The following CFAP44 variants were observed in gnomAD, a reference collection of about 807,000 sequenced individuals.
CFAP44 encodes cilia and flagella associated protein 44.
A neutral mutation model predicts 216.2 loss-of-function variants in CFAP44; 134 were observed. That is an observed-to-expected ratio of 0.62 (90% confidence interval 0.54 to 0.72). The LOEUF (loss-of-function observed/expected upper bound fraction) is 0.72, where lower values mean the gene tolerates loss of function less well. Among genes scored for constraint, CFAP44 ranks in the 30% least tolerant of loss-of-function variants. CFAP44 has a pLI of 0.00. For missense variants in CFAP44, 2,035 were observed against 2,182.1 expected, an observed-to-expected ratio of 0.93 and a Z score of 1.34; for synonymous variants, 700 against 727.6, an observed-to-expected ratio of 0.96 and a Z score of 0.61.
In CFAP44 at chr3:113,308,179, C is replaced by T. The variant is rs1310446786; in HGVS notation, c.4606G>A (p.Asp1536Asn). Reference protein sequence around the residue: ...DESESEDEVFDDSICPTNCDV... With the variant: ...DESESEDEVFNDSICPTNCDV... Reference sequence around the variant, plus strand: ...TTACTTGTTGGGCAAATAGAATCATCAAAAACCTCATCTTCTGATTCAGAC... The same window carrying T: ...TTACTTGTTGGGCAAATAGAATCATTAAAAACCTCATCTTCTGATTCAGAC... The change falls in exon 29 of 35, where the codon GAT becomes AAT. Residue 1536 changes from aspartate (D) to asparagine (N), a missense_variant. Asp to Asn is a conservative substitution (Grantham distance 23). Coordinates refer to ENST00000393845, the MANE Select transcript of CFAP44 (RefSeq NM_001164496.2). The T allele has an allele frequency of 3.9e-6, 6 of 1,533,976 alleles. No individual in the cohort carries two copies. The highest frequency in any genetic ancestry group is 2.0e-5 in the Admixed American group (1 of 50,098).
At chr3:113,327,515 A>C in intron 27 of CFAP44, 101 bp downstream of exon 27, 1 of 1,037,896 alleles carries the variant, frequency 9.6e-7, no homozygotes, top group Non-Finnish European at 1.4e-6. Context: ...GAAAGAGATA[A>C]GGGCTAGAAC....
rs572490981 is a variant in CFAP44 at position 113,387,662 on chromosome 3, C to T, written c.1891-6602G>A. Reference sequence around the variant, plus strand: ...AAGGACTCCTTCTGCTTGAGAAGTACGGAGAGGGAAGAGTCAAGGGTATTT... The same window carrying T: ...AAGGACTCCTTCTGCTTGAGAAGTATGGAGAGGGAAGAGTCAAGGGTATTT... On this transcript the variant is annotated intron_variant, in intron 15 of 34. Transcript: ENST00000393845. Among the ~76,000 whole-genome samples the T allele has an allele frequency of 8.6e-5, 13 of 151,970 alleles. No individual in the cohort carries two copies. In the South Asian group the frequency reaches 1.0e-3, roughly 12 times the overall value.
In CFAP44 at chr3:113,379,474, T is replaced by C; in HGVS notation, c.2130A>G (p.Leu710=). The C allele has an allele frequency of 6.2e-7, 1 of 1,610,468 alleles. No homozygotes were observed. Among genetic ancestry groups the C allele is most frequent in the South Asian group, 1.1e-5 (1 of 90,952 alleles). Residue 710 remains leucine (L), a synonymous_variant, in exon 17 of 35, where the codon CTA becomes CTG. Coordinates refer to ENST00000393845, the MANE Select transcript of CFAP44 (RefSeq NM_001164496.2). ...CTCCATCTTCTCCCATCTCTGCTGC[T>C]AGCTTGTTCCTCCTTTCTTCCCTTA... ...EKIREERRNK[L]AAEMGEDGEK... is the part of the protein sequence containing the mutation.
intron 28 of CFAP44, among the ~76,000 whole-genome samples, chr3:113,324,233 GGA>G (rs755298837): frequency 9.2e-5 from 14 of 151,722 alleles, no homozygotes; most frequent in Non-Finnish European, 1.9e-4. Context: ...AAAATCAAAT[GGA>G]AAAGAAAATT....
chr3:113,372,583 G>T (rs566979005), intron 18 of CFAP44, among the ~76,000 whole-genome samples: 1 of 152,310 alleles, frequency 6.6e-6, no homozygotes, highest in South Asian at 2.1e-4. Flanking sequence ...CTGTTGGGGA[G>T]TGGGGGGCAG....
chr3:113,296,471 A>G (rs560700153), intron 33 of CFAP44, among the ~76,000 whole-genome samples: 1 of 152,246 alleles, frequency 6.6e-6, no homozygotes, highest in East Asian at 1.9e-4. Flanking sequence ...TCTTTCATCC[A>G]TTTTACATAA....
intron 6 of CFAP44, 118 bp from the exon 7 acceptor site, chr3:113,409,440 C>T (rs1934392192): frequency 2.4e-6 from 2 of 843,194 alleles, no homozygotes; most frequent in South Asian, 3.6e-5. Context: ...CAAGAATACC[C>T]TAAAGGAACA....
intron 28 of CFAP44, among the ~76,000 whole-genome samples, chr3:113,316,604 C>T (rs970763456): frequency 9.9e-5 from 15 of 152,214 alleles, no homozygotes; most frequent in Admixed American, 6.5e-5. Flanking sequence ...TGTAGTGGCT[C>T]ACGCCTGTAA....
rs143153988 is a variant in CFAP44, at chr3:113,399,827, A to C, written c.1569+79T>G. 413 of 955,442 alleles carry C rather than the reference A, an allele frequency of 4.3e-4. 2 individuals carry two copies. In the African/African-American group the frequency reaches 5.5e-3, roughly 13 times the overall value. The allele number at this position is 955,442 out of a possible 1,614,324, so 59.2% of individuals were successfully genotyped here. A position where few individuals can be genotyped will look rare whatever the true frequency, so the allele number is the denominator to read the frequency against. On this transcript the variant is annotated intron_variant, in intron 13 of 34. Coordinates refer to ENST00000393845, the MANE Select transcript of CFAP44 (RefSeq NM_001164496.2). Reference sequence around the variant, plus strand: ...TCCTTAAAATTTTGAGTCAGCAAATATCTATATTTCCAGAAAATAGCATTG... The same window carrying C: ...TCCTTAAAATTTTGAGTCAGCAAATCTCTATATTTCCAGAAAATAGCATTG...
At chr3:113,324,042 C>CAAAA (rs200919084) in intron 28 of CFAP44, among the ~76,000 whole-genome samples, 1 of 71,868 alleles carries the variant, frequency 1.4e-5, no homozygotes, top group African/African-American at 4.7e-5. Flanking sequence ...GACTCCGTCT[C>CAAAA]AAAAAAAAAA....
intron 1 of CFAP44, among the ~76,000 whole-genome samples, chr3:113,437,081 G>A (rs1470334267): frequency 6.6e-6 from 1 of 152,178 alleles, no homozygotes; most frequent in African/African-American, 2.4e-5. Flanking sequence ...CTATGGAACA[G>A]TGGTCCCTGC....
At chr3:113,414,943 C>A (rs984335610) in intron 6 of CFAP44, among the ~76,000 whole-genome samples, 1 of 152,074 alleles carries the variant, frequency 6.6e-6, no homozygotes, top group Admixed American at 6.6e-5. Flanking sequence ...ATGGTACCAG[C>A]TCCTCTTTGT....
rs761029484 is a variant in CFAP44 at position 113,358,879 on chromosome 3, C to A, written c.2935-4G>T. On this transcript the variant is annotated splice_region_variant and splice_polypyrimidine_tract_variant and intron_variant, in intron 21 of 34. Transcript: ENST00000393845. ...TTTGGGAATCTACATCAAAATCCTG[C>A]AGATAAGAAGATCTGTTCATCAAAA... The A allele has an allele frequency of 6.5e-7, 1 of 1,535,480 alleles. No homozygotes were observed. Among genetic ancestry groups the A allele is most frequent in the South Asian group, 1.2e-5 (1 of 83,752 alleles).
intron 24 of CFAP44, among the ~76,000 whole-genome samples, chr3:113,340,783 G>T (rs1421990885): frequency 6.6e-6 from 1 of 152,226 alleles, no homozygotes. Context: ...CTTATCACAA[G>T]GACAGAGGGA....
intron 24 of CFAP44, among the ~76,000 whole-genome samples, chr3:113,333,890 T>C (rs1950260522): frequency 6.6e-6 from 1 of 152,218 alleles, no homozygotes; most frequent in African/African-American, 2.4e-5. Flanking sequence ...TGTTATTTAT[T>C]CTCTTGATAT....
intron 28 of CFAP44, among the ~76,000 whole-genome samples, chr3:113,314,825 G>C (rs1950071984): frequency 6.6e-6 from 1 of 152,058 alleles, no homozygotes; most frequent in Non-Finnish European, 1.5e-5. Context: ...TAAAATGATG[G>C]CAAAATGATG....
At chr3:113,395,636 C>A in intron 15 of CFAP44, 114 bp downstream of exon 15, 1 of 837,998 alleles carries the variant, frequency 1.2e-6, no homozygotes, top group South Asian at 1.9e-5. Flanking sequence ...CCCTGACCCT[C>A]ACTGCAGGAA....
chr3:113,432,231 A>G (rs1227809826), intron 2 of CFAP44: 1 of 152,218 alleles, frequency 6.6e-6, no homozygotes, highest in Non-Finnish European at 1.5e-5. Flanking sequence ...AGGAGCTGTG[A>G]TAAATAAGTA....
chr3:113,360,295 C>T (rs1332520473), intron 21 of CFAP44: 3 of 204,038 alleles, frequency 1.5e-5, no homozygotes, highest in Admixed American at 8.8e-5. Flanking sequence ...ACACCAGACA[C>T]CTTATTATTG....
Sources: gnomAD v4.1 joint callset for allele counts (sites outside exome capture counted in the v4.1 genomes callset) on GRCh38, gnomAD v4.1.1 for gene constraint, MANE v1.5 for transcripts, NCBI Gene and HGNC (gene_info 2026-07-23, HGNC 2026-07-21) for gene names.